Variants in ANTXR1 observed in about 807,000 individuals in gnomAD.
The protein encoded by ANTXR1 is anthrax toxin receptor 1.
In ANTXR1, 19 loss-of-function variants were observed where a neutral mutation model predicts 78.1. That is an observed-to-expected ratio of 0.24 (90% CI 0.17 to 0.36). ANTXR1 has a LOEUF of 0.36. Among genes scored for constraint, ANTXR1 ranks in the 10% least tolerant of loss-of-function variants. The pLI, the probability that ANTXR1 is intolerant of heterozygous loss-of-function variation, is 1.00. For synonymous variants in ANTXR1, 273 were observed against 260.5 expected (o/e 1.05, Z -0.46); for missense variants, 518 against 718.6 (o/e 0.72, Z 3.19).
At chr2:69,036,591 T>C (rs1430943832) in intron 1 of ANTXR1, among the ~76,000 whole-genome samples, 1 of 152,196 alleles carries the variant, frequency 6.6e-6, no homozygotes, top group African/African-American at 2.4e-5. Flanking sequence ...GAGATTCCTC[T>C]CTAATCATTA....
Position 69,070,631 on chromosome 2 carries a change from T to G in ANTXR1, c.297-16T>G. ...AAATACTCAAATAAGACTAACAGAG[T>G]GTCTTTGGATTTCAGAGAACAAATC... is the stretch of plus-strand genomic sequence containing the variant. On this transcript the variant is annotated splice_polypyrimidine_tract_variant and intron_variant, in intron 3 of 17. Coordinates refer to ENST00000303714, the MANE Select transcript of ANTXR1 (RefSeq NM_032208.3). 1 of 1,612,972 alleles carries G rather than the reference T, an allele frequency of 6.2e-7. No homozygotes were observed. Among genetic ancestry groups the G allele is most frequent in the Non-Finnish European group, 8.5e-7 (1 of 1,179,102 alleles).
At chr2:69,109,809 C>T (rs944351513) in intron 10 of ANTXR1, among the ~76,000 whole-genome samples, 3 of 152,056 alleles carry the variant, frequency 2.0e-5, no homozygotes, top group Admixed American at 1.3e-4. Context: ...CATGAAGGAG[C>T]ATACCATGAA....
chr2:69,152,357 A>G, intron 13 of ANTXR1, 93 bp downstream of exon 13: 1 of 1,276,122 alleles, frequency 7.8e-7, no homozygotes, highest in African/African-American at 1.5e-5. Context: ...AAAAAACTAA[A>G]GATGGGAGAC....
chr2:69,028,176 T>C (rs182849969), intron 1 of ANTXR1, among the ~76,000 whole-genome samples: 1 of 152,324 alleles, frequency 6.6e-6, no homozygotes, highest in Admixed American at 6.5e-5. Context: ...AAACTTTCAA[T>C]GCTTTAATAG....
intron 13 of ANTXR1, among the ~76,000 whole-genome samples, chr2:69,160,549 A>G (rs549119802): frequency 6.6e-6 from 1 of 152,294 alleles, no homozygotes; most frequent in African/African-American, 2.4e-5. Flanking sequence ...ACCTGGTTGC[A>G]TACTGAAACC....
chr2:69,170,264 C>T lies in ANTXR1; in HGVS notation c.1064C>T (p.Pro355Leu). ...TCTTTTCAGATTATCAAGGAGGTCCCTCCACCCCCTGCCGAGGAGAGTGAG... is the reference window on the plus strand; with the variant it reads ...TCTTTTCAGATTATCAAGGAGGTCCTTCCACCCCCTGCCGAGGAGAGTGAG... ...LCCTVIIKEV[P>L]PPPAEESEEE... Residue 355 changes from proline (P) to leucine (L), a missense_variant, in exon 14 of 18, where the codon CCT becomes CTT. Physicochemically the swap from Pro to Leu is moderately conservative, Grantham distance 98. Coordinates refer to ENST00000303714, the MANE Select transcript of ANTXR1 (RefSeq NM_032208.3). 2 of 1,614,140 alleles carry T rather than the reference C, an allele frequency of 1.2e-6. No individual in the cohort carries two copies.
At chr2:69,172,537 T>G in intron 14 of ANTXR1, 2 of 1,403,704 alleles carry the variant, frequency 1.4e-6, no homozygotes, top group Non-Finnish European at 1.8e-6. Context: ...TAACATTCAA[T>G]AAATAGCTAT....
chr2:69,096,701 C>T (rs976523428), intron 9 of ANTXR1, among the ~76,000 whole-genome samples: 2 of 152,128 alleles, frequency 1.3e-5, no homozygotes, highest in African/African-American at 4.8e-5. Context: ...TTTAGAAAAT[C>T]GGATTTCACC....
At chr2:69,181,485 T>C (rs1360596395) in intron 14 of ANTXR1, among the ~76,000 whole-genome samples, 1 of 152,138 alleles carries the variant, frequency 6.6e-6, no homozygotes, top group Non-Finnish European at 1.5e-5. Flanking sequence ...CACAAGTCAT[T>C]AGCATGTAGG....
chr2:69,102,192 A>G (rs1671642402), intron 9 of ANTXR1, among the ~76,000 whole-genome samples: 1 of 152,224 alleles, frequency 6.6e-6, no homozygotes, highest in Non-Finnish European at 1.5e-5. Context: ...TAGCCTATGT[A>G]CTGTTACTGT....
intron 1 of ANTXR1, among the ~76,000 whole-genome samples, chr2:69,038,752 T>C (rs1490265748): frequency 3.3e-5 from 5 of 152,206 alleles, no homozygotes; most frequent in African/African-American, 1.2e-4. Context: ...AAGTGAGACA[T>C]CCTTATGACA....
intron 1 of ANTXR1, among the ~76,000 whole-genome samples, chr2:69,014,554 C>G (rs1558726676): frequency 6.6e-6 from 1 of 152,138 alleles, no homozygotes; most frequent in Non-Finnish European, 1.5e-5. Flanking sequence ...CTTCCCAAAT[C>G]CGCATAAGTT....
chr2:69,143,871 A>G lies in ANTXR1; in HGVS notation c.952-8298A>G, dbSNP rs576935106. ...AGATAAGAGGGAGATTGGGAGAGTC[A>G]CAGATGCCAGAGGAATAGAATTTCA... is the stretch of plus-strand genomic sequence containing the variant. On this transcript the variant is annotated intron_variant, in intron 12 of 17. Coordinates refer to ENST00000303714, the MANE Select transcript of ANTXR1 (RefSeq NM_032208.3). 2.6e-5 allele frequency among the ~76,000 whole-genome samples: 4 copies of G among 152,302 alleles called. No individual in the cohort carries two copies. The South Asian group carries it at 8.3e-4, about 32-fold the overall frequency.
intron 13 of ANTXR1, among the ~76,000 whole-genome samples, chr2:69,166,630 T>C (rs1050956255): frequency 6.6e-6 from 1 of 152,216 alleles, no homozygotes; most frequent in Non-Finnish European, 1.5e-5. Flanking sequence ...AGTTCTTCCA[T>C]GTTATGCTTA....
At chr2:69,245,201 T>TCCTTCTCTCCAATTC in intron 17 of ANTXR1, 24 bp from the exon 18 acceptor site, 1 of 1,613,942 alleles carries the variant, frequency 6.2e-7, no homozygotes, top group Non-Finnish European at 8.5e-7. Flanking sequence ...CGCTCACGTT[T>TCCTTCTCTCCAATTC]CCTTCTCTCC....
At chr2:69,216,716 C>T (rs1332195981) in intron 17 of ANTXR1, among the ~76,000 whole-genome samples, 1 of 152,192 alleles carries the variant, frequency 6.6e-6, no homozygotes, top group Non-Finnish European at 1.5e-5. Context: ...GTCCCCTCCA[C>T]TTCCCAAACT....
chr2:69,164,328 A>G (rs1368046982), intron 13 of ANTXR1, among the ~76,000 whole-genome samples: 1 of 152,250 alleles, frequency 6.6e-6, no homozygotes, highest in East Asian at 1.9e-4. Flanking sequence ...TAACTACTGA[A>G]GAAACATTTA....
At chr2:69,092,208 G>A (rs1671263500) in intron 9 of ANTXR1, among the ~76,000 whole-genome samples, 1 of 152,126 alleles carries the variant, frequency 6.6e-6, no homozygotes, top group Admixed American at 6.5e-5. Context: ...GAACTTTCAG[G>A]CCTCTTCAAA....
At chr2:69,198,143 TACTGGATCAAATA>T (rs1674704537) in intron 17 of ANTXR1, among the ~76,000 whole-genome samples, 1 of 152,260 alleles carries the variant, frequency 6.6e-6, no homozygotes, top group African/African-American at 2.4e-5. Context: ...TCCAGCTTTC[TACTGGATCAAATA>T]GTGTGCAAAT....
Sources: allele counts gnomAD v4.1 joint callset (sites outside exome capture counted in the v4.1 genomes callset), GRCh38; gene constraint gnomAD v4.1.1; transcripts MANE v1.5; gene names NCBI Gene and HGNC (gene_info 2026-07-23, HGNC 2026-07-21).